The following MBNL1 variants were observed in gnomAD, a reference collection of about 807,000 sequenced individuals.
MBNL1 encodes muscleblind like splicing regulator 1.
A neutral mutation model predicts 42.2 loss-of-function variants in MBNL1; 8 were observed. That is an observed-to-expected ratio of 0.19 (90% CI 0.11 to 0.34). MBNL1 has a LOEUF of 0.34. Among genes scored for constraint, MBNL1 ranks in the 10% least tolerant of loss-of-function variants. The probability of loss-of-function intolerance (pLI) is 1.00; values close to 1 mark genes in which losing one functional copy is unlikely to be tolerated. For missense variants in MBNL1, 309 were observed against 495.3 expected, an observed-to-expected ratio of 0.62 and a Z score of 3.57; for synonymous variants, 169 against 173.9, an observed-to-expected ratio of 0.97 and a Z score of 0.22.
intron 2 of MBNL1, among the ~76,000 whole-genome samples, chr3:152,246,639 A>C (rs957133893): frequency 6.6e-6 from 1 of 151,992 alleles, no homozygotes; most frequent in Non-Finnish European, 1.5e-5. Flanking sequence ...TATATATTTT[A>C]CTGTGTTTTA....
chr3:152,458,285 T>C (rs529194367), intron 8 of MBNL1: 1 of 1,080,478 alleles, frequency 9.3e-7, no homozygotes, highest in Admixed American at 1.9e-5. Flanking sequence ...GAACTGGAAA[T>C]AAAACAGGGA....
At chr3:152,372,020 A>G (rs2096685134) in intron 2 of MBNL1, among the ~76,000 whole-genome samples, 1 of 151,706 alleles carries the variant, frequency 6.6e-6, no homozygotes, top group Admixed American at 6.6e-5. Context: ...TTTTTCTCTA[A>G]TCTTGTCTTC....
At chr3:152,461,726 G>A (rs991869249) in intron 9 of MBNL1, among the ~76,000 whole-genome samples, 4 of 151,994 alleles carry the variant, frequency 2.6e-5, no homozygotes, top group Non-Finnish European at 4.4e-5. Context: ...GTAAATATTC[G>A]CTGCTGAGAA....
intron 2 of MBNL1, chr3:152,340,894 T>C (rs755673565): frequency 1.2e-6 from 2 of 1,609,952 alleles, no homozygotes; most frequent in African/African-American, 2.7e-5. Context: ...TGGGCCAGGG[T>C]CCATCTGCAT....
chr3:152,281,783 T>C (rs1204920782), intron 1 of MBNL1, among the ~76,000 whole-genome samples: 2 of 152,138 alleles, frequency 1.3e-5, no homozygotes, highest in Admixed American at 6.6e-5. Context: ...ATTGAAGATA[T>C]TAGGGTAATT....
chr3:152,353,229 A>T (rs1418484434), intron 2 of MBNL1, among the ~76,000 whole-genome samples: 1 of 152,214 alleles, frequency 6.6e-6, no homozygotes, highest in African/African-American at 2.4e-5. Context: ...CTACTCAGGA[A>T]TCCAAGCTTA....
rs755453806 is a variant in MBNL1 at position 152,396,039 on chromosome 3, GACA to G, written c.175-18899_175-18897del. On this transcript the variant is annotated intron_variant, in intron 2 of 9. Transcript: ENST00000324210. ...GAGTTCTGCCTCCTGTCAGATCAGT[GACA>G]ACGTGTTGGATTCTCATAGGAGTGT... is the stretch of plus-strand genomic sequence containing the variant. The G allele has an allele frequency of 1.7e-4, 28 of 162,172 alleles. 2 individuals are homozygous for G. Among genetic ancestry groups the G allele is most frequent in the African/African-American group, 5.5e-4 (23 of 41,656 alleles). The allele number at this position is 162,172 out of a possible 1,614,324, so 10.0% of individuals were successfully genotyped here. A position where few individuals can be genotyped will look rare whatever the true frequency, so the allele number is the denominator to read the frequency against.
chr3:152,376,463 T>G (rs1156770796), intron 2 of MBNL1, among the ~76,000 whole-genome samples: 1 of 152,158 alleles, frequency 6.6e-6, no homozygotes, highest in Non-Finnish European at 1.5e-5. Flanking sequence ...CTCTTGAGAG[T>G]GTAGTTATGT....
chr3:152,316,662 G>A (rs566367575), intron 2 of MBNL1, among the ~76,000 whole-genome samples: 22 of 152,202 alleles, frequency 1.4e-4, no homozygotes, highest in South Asian at 1.0e-3. Context: ...TTTAAAAGCT[G>A]TGTGCCTCTG....
At chr3:152,278,163 A>T (rs1304796800) in intron 1 of MBNL1, among the ~76,000 whole-genome samples, 1 of 152,116 alleles carries the variant, frequency 6.6e-6, no homozygotes, top group Non-Finnish European at 1.5e-5. Context: ...CTTCTTTATT[A>T]TTCTGTCATT....
At chr3:152,269,962 A>G (rs2149713264) in intron 1 of MBNL1, among the ~76,000 whole-genome samples, 1 of 134,686 alleles carries the variant, frequency 7.4e-6, no homozygotes, top group East Asian at 2.4e-4. Context: ...TATTGGTAGT[A>G]ATGTGTCATG....
chr3:152,304,549 A>G (rs1213639973), intron 2 of MBNL1, among the ~76,000 whole-genome samples: 1 of 152,222 alleles, frequency 6.6e-6, no homozygotes, highest in Non-Finnish European at 1.5e-5. Context: ...CCCATGTATT[A>G]AAACTTTGAC....
chr3:152,461,387 G>A (rs1745541216), intron 9 of MBNL1, among the ~76,000 whole-genome samples: 1 of 152,234 alleles, frequency 6.6e-6, no homozygotes. Context: ...GCATTACTTT[G>A]CAGTGTTGTA....
intron 2 of MBNL1, among the ~76,000 whole-genome samples, chr3:152,368,828 T>C (rs957277782): frequency 1.3e-5 from 2 of 152,216 alleles, no homozygotes; most frequent in Admixed American, 6.5e-5. Flanking sequence ...TATTGGTTTA[T>C]AGGAATGCTT....
chr3:152,448,839 A>G (rs375043665), intron 6 of MBNL1, among the ~76,000 whole-genome samples: 1 of 152,172 alleles, frequency 6.6e-6, no homozygotes, highest in African/African-American at 2.4e-5. Flanking sequence ...AGTCATCCAT[A>G]TGTAAAATAA....
intron 2 of MBNL1, among the ~76,000 whole-genome samples, chr3:152,367,993 G>GTT (rs139895999): frequency 2.0e-5 from 3 of 149,714 alleles, no homozygotes. Flanking sequence ...ACTGATGATA[G>GTT]TTTTTTTTTT....
intron 2 of MBNL1, among the ~76,000 whole-genome samples, chr3:152,328,191 G>A (rs1205426462): frequency 5.9e-5 from 9 of 152,056 alleles, no homozygotes; most frequent in Non-Finnish European, 1.3e-4. Context: ...TTTAGAAAAT[G>A]TACAGTTTCT....
At chr3:152,416,591 G>A (rs544928075) in intron 3 of MBNL1, among the ~76,000 whole-genome samples, 60 of 152,268 alleles carry the variant, frequency 3.9e-4, no homozygotes, top group African/African-American at 1.4e-3. Context: ...AAGATACTTT[G>A]TTCTACTTAA....
chr3:152,369,808 A>C (rs137891846), intron 2 of MBNL1, among the ~76,000 whole-genome samples: 1 of 152,184 alleles, frequency 6.6e-6, no homozygotes, highest in Admixed American at 6.5e-5. Context: ...AGACGTATTT[A>C]TAGCATTCTC....
Sources: allele counts gnomAD v4.1 joint callset (sites outside exome capture counted in the v4.1 genomes callset), GRCh38; gene constraint gnomAD v4.1.1; transcripts MANE v1.5; gene names NCBI Gene and HGNC (gene_info 2026-07-23, HGNC 2026-07-21).